Variants in VANGL1 observed in about 807,000 individuals in gnomAD.
The protein encoded by VANGL1 is vang-like protein 1.
VANGL1 carries 18 observed loss-of-function variants against 48.4 expected under a neutral mutation model. The ratio of observed to expected loss-of-function variants is 0.37; its 90% CI spans 0.26 to 0.55. The LOEUF (loss-of-function observed/expected upper bound fraction) is 0.55, where lower values mean the gene tolerates loss of function less well. VANGL1 is among the 20% of genes least tolerant of loss of function. The pLI is 0.81. For synonymous variants in VANGL1, 257 were observed against 261.8 expected, an observed-to-expected ratio of 0.98 and a Z score of 0.18; for missense variants, 667 against 675.8, an observed-to-expected ratio of 0.99 and a Z score of 0.14.
chr1:115,673,566 C>T (rs1415594628), intron 4 of VANGL1, among the ~76,000 whole-genome samples: 4 of 151,030 alleles, frequency 2.6e-5, no homozygotes, highest in African/African-American at 9.8e-5. Context: ...ATTACATGAC[C>T]TCCTCTCTGT....
rs199829701 is a variant in VANGL1, at chr1:115,651,261, T to TC, written c.-137-11dup. 0.015 allele frequency: 9,882 copies of TC among 661,980 alleles called. 636 individuals are homozygous for TC. In the African/African-American group the frequency reaches 0.15, roughly 10 times the overall value. The allele number at this position is 661,980 out of a possible 1,614,324, so 41.0% of individuals were successfully genotyped here. On this transcript the variant is annotated splice_polypyrimidine_tract_variant and intron_variant, in intron 1 of 7. Coordinates refer to ENST00000355485, the MANE Select transcript of VANGL1 (RefSeq NM_138959.3). Reference sequence around the variant, plus strand: ...CTCTGAAGATTAATGTCTTTTTTTTTCCCCCTCTTTCCCAGAATTTGTTCC... The same window carrying TC: ...CTCTGAAGATTAATGTCTTTTTTTTTCCCCCCTCTTTCCCAGAATTTGTTCC...
chr1:115,655,970 A>G (rs754049418), intron 2 of VANGL1, among the ~76,000 whole-genome samples: 7 of 152,248 alleles, frequency 4.6e-5, no homozygotes, highest in African/African-American at 7.2e-5. Context: ...TAGAGCAGTA[A>G]TTCGGGACCA....
chr1:115,690,517 G>A (rs897093040), intron 7 of VANGL1, among the ~76,000 whole-genome samples: 5 of 152,200 alleles, frequency 3.3e-5, no homozygotes, highest in Admixed American at 6.5e-5. Context: ...TTACCATGTC[G>A]GGCATTGCTG....
At chr1:115,648,691 G>A (rs1404529751) in intron 1 of VANGL1, among the ~76,000 whole-genome samples, 1 of 152,166 alleles carries the variant, frequency 6.6e-6, no homozygotes, top group Admixed American at 6.5e-5. Context: ...TTTTTATGGG[G>A]CAGGGTTGGA....
intron 4 of VANGL1, among the ~76,000 whole-genome samples, chr1:115,681,607 AG>A (rs1243262402): frequency 8.6e-5 from 13 of 150,348 alleles, no homozygotes; most frequent in Non-Finnish European, 1.3e-4. Flanking sequence ...CCTGGGTTCA[AG>A]TGATTCTCCC....
intron 4 of VANGL1, among the ~76,000 whole-genome samples, chr1:115,670,883 T>C (rs1652947788): frequency 6.6e-6 from 1 of 152,222 alleles, no homozygotes; most frequent in African/African-American, 2.4e-5. Flanking sequence ...GGCTGAAACA[T>C]AGAGCGTGGA....
intron 7 of VANGL1, among the ~76,000 whole-genome samples, chr1:115,687,024 C>G (rs1373455423): frequency 7.2e-6 from 1 of 138,430 alleles, no homozygotes; most frequent in Non-Finnish European, 1.6e-5. Context: ...ATAAGGACTT[C>G]TGTTTATATG....
At chr1:115,667,088 T>C (rs4433392) in intron 4 of VANGL1, among the ~76,000 whole-genome samples, 95,538 of 152,114 alleles carry the variant, frequency 0.63, 30,222 homozygotes, top group South Asian at 0.65. Context: ...AGGTCTCCAT[T>C]AGACCCAGCA....
intron 1 of VANGL1, among the ~76,000 whole-genome samples, chr1:115,643,131 C>G (rs1651798836): frequency 6.6e-6 from 1 of 151,582 alleles, no homozygotes; most frequent in Non-Finnish European, 1.5e-5. Flanking sequence ...TGTTAAAACT[C>G]TTGACCTGGC....
chr1:115,647,218 A>G (rs1651974527), intron 1 of VANGL1, among the ~76,000 whole-genome samples: 1 of 152,200 alleles, frequency 6.6e-6, no homozygotes, highest in African/African-American at 2.4e-5. Context: ...TATGATAGAC[A>G]GTTCCAGGTT....
Position 115,691,173 on chromosome 1 carries a change from C to A in VANGL1, c.1369C>A (p.Arg457Ser). 1 of 1,614,070 alleles carries A rather than the reference C, an allele frequency of 6.2e-7. No homozygotes were observed. The highest frequency in any genetic ancestry group is 8.5e-7 in the Non-Finnish European group (1 of 1,179,998). ...AGPTLQYDKD[R>S]WLSTQWRLVS... Reference sequence around the variant, plus strand: ...CCCCACCCTGCAATATGACAAGGACCGCTGGCTCTCTACACAGTGGAGGCT... The same window carrying A: ...CCCCACCCTGCAATATGACAAGGACAGCTGGCTCTCTACACAGTGGAGGCT... The change falls in exon 8 of 8, where the codon CGC becomes AGC. Residue 457 changes from arginine (R) to serine (S), a missense_variant. Physicochemically the swap from Arg to Ser is moderately radical, Grantham distance 110. Coordinates refer to ENST00000355485, the MANE Select transcript of VANGL1 (RefSeq NM_138959.3).
At chr1:115,686,791 T>G (rs1330852000) in intron 7 of VANGL1, among the ~76,000 whole-genome samples, 1 of 152,228 alleles carries the variant, frequency 6.6e-6, no homozygotes, top group East Asian at 1.9e-4. Flanking sequence ...GTCTGGCCTC[T>G]TCATATGACA....
intron 7 of VANGL1, 41 bp from the exon 8 acceptor site, chr1:115,691,078 A>G: frequency 6.2e-7 from 1 of 1,614,082 alleles, no homozygotes; most frequent in Non-Finnish European, 8.5e-7. Flanking sequence ...CCCTTAAAAC[A>G]GGCTGTTTCT....
At chr1:115,647,410 A>G (rs1651980158) in intron 1 of VANGL1, among the ~76,000 whole-genome samples, 1 of 152,242 alleles carries the variant, frequency 6.6e-6, no homozygotes, top group Non-Finnish European at 1.5e-5. Flanking sequence ...GAACTATCTC[A>G]TAGATATATC....
rs868017676 is a variant in VANGL1 at position 115,664,276 on chromosome 1, G to A, written c.812+8G>A. 6.2e-7 allele frequency: 1 copy of A among 1,613,202 alleles called. No individual in the cohort carries two copies. Among genetic ancestry groups the A allele is most frequent in the Non-Finnish European group, 8.5e-7 (1 of 1,179,884 alleles). On this transcript the variant is annotated splice_region_variant and intron_variant, in intron 4 of 7. Transcript: ENST00000355485. Reference sequence around the variant, plus strand: ...CAGCCTGGGACACCTGAGGTAAGAGGCAACATCCAGGAGGCAGAAAGGATG... The same window carrying A: ...CAGCCTGGGACACCTGAGGTAAGAGACAACATCCAGGAGGCAGAAAGGATG...
At chr1:115,653,417 T>C (rs1652227109) in intron 2 of VANGL1, among the ~76,000 whole-genome samples, 1 of 152,228 alleles carries the variant, frequency 6.6e-6, no homozygotes, top group African/African-American at 2.4e-5. Flanking sequence ...AACAGCTGTT[T>C]TAAAATACCA....
intron 4 of VANGL1, among the ~76,000 whole-genome samples, 186 bp downstream of exon 4, chr1:115,664,454 A>G (rs779540044): frequency 6.6e-6 from 1 of 152,118 alleles, no homozygotes; most frequent in Non-Finnish European, 1.5e-5. Context: ...CTGGACTTCT[A>G]GATGGTGCGG....
At chr1:115,652,051 G>C (rs1265208476) in intron 2 of VANGL1, among the ~76,000 whole-genome samples, 1 of 152,206 alleles carries the variant, frequency 6.6e-6, no homozygotes, top group Non-Finnish European at 1.5e-5. Flanking sequence ...AAAGCTTTAT[G>C]AAGAATGTAA....
At chr1:115,661,603 T>C (rs1177690582) in intron 3 of VANGL1, among the ~76,000 whole-genome samples, 1 of 152,072 alleles carries the variant, frequency 6.6e-6, no homozygotes, top group African/African-American at 2.4e-5. Flanking sequence ...GATGGACATT[T>C]GGGTTTTTTT....
Sources: allele counts gnomAD v4.1 joint callset (sites outside exome capture counted in the v4.1 genomes callset), GRCh38; gene constraint gnomAD v4.1.1; transcripts MANE v1.5; gene names NCBI Gene and HGNC (gene_info 2026-07-23, HGNC 2026-07-21).